Variants in MBNL2 observed in about 807,000 individuals in gnomAD.
MBNL2 encodes muscleblind-like protein 2.
Under a neutral mutation model 41.9 loss-of-function variants are expected in MBNL2, and 17 were observed. The ratio of observed to expected loss-of-function variants is 0.41; its 90% CI spans 0.28 to 0.61. The LOEUF is 0.61. MBNL2 is among the 20% of genes least tolerant of loss of function. The probability of loss-of-function intolerance (pLI) is 0.35; values close to 1 mark genes in which losing one functional copy is unlikely to be tolerated. For missense variants in MBNL2, 336 were observed against 505.6 expected (o/e 0.66, Z 3.22); for synonymous variants, 195 against 182.9 (o/e 1.07, Z -0.53).
intron 1 of MBNL2, among the ~76,000 whole-genome samples, chr13:97,233,466 G>A (rs1222508222): frequency 6.6e-6 from 1 of 151,104 alleles, no homozygotes; most frequent in Non-Finnish European, 1.5e-5. Flanking sequence ...TTCGAAGTCT[G>A]TACCTGGCAC....
chr13:97,382,965 A>C (rs1364044315), intron 8 of MBNL2, among the ~76,000 whole-genome samples: 3 of 152,168 alleles, frequency 2.0e-5, no homozygotes, highest in African/African-American at 4.8e-5. Context: ...TTCTGAATAA[A>C]TACACAGTGC....
chr13:97,318,635 G>A (rs2059249638), intron 2 of MBNL2, among the ~76,000 whole-genome samples: 1 of 152,196 alleles, frequency 6.6e-6, no homozygotes, highest in East Asian at 1.9e-4. Context: ...AATTCAGTTT[G>A]TAAATACATT....
chr13:97,223,773 A>G lies in MBNL2; in HGVS notation c.-605+1242A>G, dbSNP rs577451340. 3.3e-5 allele frequency among the ~76,000 whole-genome samples: 5 copies of G among 149,712 alleles called. No homozygotes were observed. The South Asian group carries it at 1.1e-3, about 32-fold the overall frequency. ...TACTTGTTTTGCAAGGAGCAGTAGAACTACTCATTTAAATAAGGGCAATGC... is the reference window on the plus strand; with the variant it reads ...TACTTGTTTTGCAAGGAGCAGTAGAGCTACTCATTTAAATAAGGGCAATGC... On this transcript the variant is annotated intron_variant, in intron 1 of 8. Transcript: ENST00000679496.
chr13:97,219,589 G>C (rs548932442), upstream of MBNL2, among the ~76,000 whole-genome samples: 1 of 152,274 alleles, frequency 6.6e-6, no homozygotes, highest in East Asian at 1.9e-4. Context: ...AAGGGAGAGA[G>C]AAACAGGCCT....
chr13:97,337,913 A>T (rs987207339), intron 3 of MBNL2, among the ~76,000 whole-genome samples: 9 of 151,850 alleles, frequency 5.9e-5, no homozygotes, highest in African/African-American at 1.9e-4. Context: ...TCTGCCCTGA[A>T]CCCCATCCAC....
At position 97,334,135 on chromosome 13, in the gene MBNL2, T is replaced by G; in HGVS notation, c.175-141T>G. On this transcript the variant is annotated intron_variant, in intron 2 of 8. Coordinates refer to ENST00000679496, the MANE Select transcript of MBNL2 (RefSeq NM_001382683.1). The surrounding 1 kb of genome is among the most constrained non-coding windows in gnomAD (Gnocchi z 5.3). ...CTTTTCCCCAACAAACACATGAGCA[T>G]GCGCGCGCACACCCACACACACACA... 1 of 449,508 alleles carries G rather than the reference T, an allele frequency of 2.2e-6. No individual in the cohort carries two copies. The highest frequency in any genetic ancestry group is 3.9e-6 in the Non-Finnish European group (1 of 257,276). 27.8% of individuals were successfully genotyped at this position (449,508 alleles called of 1,614,324 possible).
chr13:97,249,610 T>C (rs573203204), intron 1 of MBNL2, among the ~76,000 whole-genome samples: 13 of 152,350 alleles, frequency 8.5e-5, no homozygotes, highest in African/African-American at 3.1e-4. Flanking sequence ...TAATTGCTTA[T>C]TTTCATAAAT....
At chr13:97,364,787 A>T (rs1429743435) in intron 7 of MBNL2, among the ~76,000 whole-genome samples, 5 of 152,182 alleles carry the variant, frequency 3.3e-5, no homozygotes, top group Non-Finnish European at 7.3e-5. Flanking sequence ...TAAAATACCT[A>T]CTTCCTACCT....
rs915634753 is a variant in MBNL2 at position 97,389,705 on chromosome 13, CA to C, written c.1049-1607del. On this transcript the variant is annotated intron_variant, in intron 8 of 8. Transcript: ENST00000679496. ...TGGGCAACAGAGGGAGACCCTGTCT[CA>C]AAAAAAAAAGAAAGAAAGAAAGAAA... 6.8e-4 allele frequency among the ~76,000 whole-genome samples: 91 copies of C among 133,036 alleles called. 1 individual carries two copies. The highest frequency in any genetic ancestry group is 8.5e-4 in the African/African-American group (30 of 35,470). The allele number at this position is 133,036 out of a possible 152,430, so 87.3% of individuals were successfully genotyped here. A position where few individuals can be genotyped will look rare whatever the true frequency, so the allele number is the denominator to read the frequency against.
chr13:97,144,883 G>C, the MBNL2 span, among the ~76,000 whole-genome samples: 1 of 152,190 alleles, frequency 6.6e-6, no homozygotes. Context: ...TATTCGGAAG[G>C]ACCCTGACAT....
At chr13:97,251,218 CAATT>C (rs2046437820) in intron 1 of MBNL2, among the ~76,000 whole-genome samples, 1 of 149,916 alleles carries the variant, frequency 6.7e-6, no homozygotes, top group Non-Finnish European at 1.5e-5. Context: ...CTACAGTCAA[CAATT>C]TATTATAGAG....
intron 2 of MBNL2, among the ~76,000 whole-genome samples, chr13:97,330,470 C>T (rs956790825): frequency 6.6e-6 from 1 of 152,138 alleles, no homozygotes; most frequent in Non-Finnish European, 1.5e-5. Flanking sequence ...AGTGTGTTAC[C>T]AAGAACTAAA....
At chr13:97,217,305 T>C (rs186781370), upstream of MBNL2, among the ~76,000 whole-genome samples, 54 of 152,320 alleles carry the variant, frequency 3.5e-4, no homozygotes, top group African/African-American at 1.3e-3. Flanking sequence ...TCTGCTATTA[T>C]GCAATGCATG....
the MBNL2 span, among the ~76,000 whole-genome samples, chr13:97,209,118 T>C: frequency 2.0e-5 from 3 of 152,220 alleles, no homozygotes; most frequent in African/African-American, 7.2e-5. Flanking sequence ...TTTGGGTAAT[T>C]ATATTTTAAA....
chr13:97,200,083 A>T, the MBNL2 span, among the ~76,000 whole-genome samples: 2 of 152,354 alleles, frequency 1.3e-5, no homozygotes, highest in South Asian at 2.1e-4. Flanking sequence ...ATTCAACTGG[A>T]TCCCACAAGA....
At chr13:97,271,114 T>TTTTTTTTTTTTG (rs2050866790) in intron 1 of MBNL2, among the ~76,000 whole-genome samples, 1 of 45,764 alleles carries the variant, frequency 2.2e-5, no homozygotes, top group African/African-American at 5.4e-5. Flanking sequence ...TCTTTTTTGT[T>TTTTTTTTTTTTG]TTTTTTTTTT....
rs913760825 is a variant in MBNL2 at position 97,334,617 on chromosome 13, A to G, written c.339+177A>G. Among the ~76,000 whole-genome samples, 2 of 152,202 alleles carry G rather than the reference A, an allele frequency of 1.3e-5. No homozygotes were observed. The highest frequency in any genetic ancestry group is 4.8e-5 in the African/African-American group (2 of 41,450). ...CTTTTAAAAAAATTAATAGAAAAATATTTGTGGAAATAGGAGGCAAAGACA... is the reference window on the plus strand; with the variant it reads ...CTTTTAAAAAAATTAATAGAAAAATGTTTGTGGAAATAGGAGGCAAAGACA... On this transcript the variant is annotated intron_variant, in intron 3 of 8. Coordinates refer to ENST00000679496, the MANE Select transcript of MBNL2 (RefSeq NM_001382683.1). The surrounding 1 kb of genome is among the most constrained non-coding windows in gnomAD (Gnocchi z 5.3).
chr13:97,245,576 T>C (rs2045306463), intron 1 of MBNL2, among the ~76,000 whole-genome samples: 1 of 152,208 alleles, frequency 6.6e-6, no homozygotes, highest in Non-Finnish European at 1.5e-5. Context: ...ACTATCTTAA[T>C]TGATTTAGAC....
intron 1 of MBNL2, among the ~76,000 whole-genome samples, chr13:97,246,612 C>T (rs2045525426): frequency 6.6e-6 from 1 of 152,196 alleles, no homozygotes; most frequent in Non-Finnish European, 1.5e-5. Flanking sequence ...CTAAAATTCT[C>T]AGTCTCTGTC....
Sources: allele counts gnomAD v4.1 joint callset (sites outside exome capture counted in the v4.1 genomes callset), GRCh38; gene constraint gnomAD v4.1.1; non-coding constraint Gnocchi (gnomAD v3.1); transcripts MANE v1.5; gene names NCBI Gene and HGNC (gene_info 2026-07-23, HGNC 2026-07-21).